The following COL22A1 variants were observed in gnomAD, a reference collection of about 807,000 sequenced individuals.
COL22A1 encodes collagen type XXII alpha 1 chain.
In COL22A1, 221 loss-of-function variants were observed where a neutral mutation model predicts 248.9. That is an observed-to-expected ratio of 0.89 (90% confidence interval 0.80 to 0.99). COL22A1 has a LOEUF of 0.99. Among genes scored for constraint, COL22A1 ranks in the 50% least tolerant of loss-of-function variants. The pLI is 0.00. For missense variants in COL22A1, 2,240 were observed against 2,179.0 expected (o/e 1.03, Z -0.56); for synonymous variants, 891 against 793.4 (o/e 1.12, Z -2.07).
chr8:138,907,248 C>G (rs1397289402), intron 1 of COL22A1, among the ~76,000 whole-genome samples: 1 of 152,232 alleles, frequency 6.6e-6, no homozygotes, highest in Non-Finnish European at 1.5e-5. Context: ...AGGACCAAAA[C>G]TGAACAGGAG....
intron 1 of COL22A1, among the ~76,000 whole-genome samples, chr8:138,888,717 A>C (rs767400752): frequency 6.6e-6 from 1 of 152,188 alleles, no homozygotes; most frequent in Non-Finnish European, 1.5e-5. Context: ...CAGGGTTCCA[A>C]GGTCAGGAGT....
chr8:138,615,058 C>A (rs530348383), intron 55 of COL22A1, among the ~76,000 whole-genome samples: 1 of 152,328 alleles, frequency 6.6e-6, no homozygotes, highest in Non-Finnish European at 1.5e-5. Context: ...CTGCATCTCA[C>A]ACGTCCAGCC....
At chr8:138,716,753 T>C in intron 28 of COL22A1, 72 bp downstream of exon 28, 1 of 1,131,104 alleles carries the variant, frequency 8.8e-7, no homozygotes, top group East Asian at 2.4e-5. Context: ...ATCTAAATAA[T>C]TTATACAAGA....
At chr8:138,674,371 GC>G (rs144370776) in intron 41 of COL22A1, among the ~76,000 whole-genome samples, 2,340 of 152,158 alleles carry the variant, frequency 0.015, 57 homozygotes, top group African/African-American at 0.054. Context: ...ACACACCTTT[GC>G]TTAGCTCAGC....
intron 41 of COL22A1, among the ~76,000 whole-genome samples, chr8:138,668,521 G>A (rs1358278722): frequency 2.0e-5 from 3 of 152,108 alleles, no homozygotes; most frequent in Admixed American, 6.5e-5. Flanking sequence ...ACTGAAAGCC[G>A]CATATGGCTT....
At chr8:138,817,324 T>C (rs929785613) in intron 7 of COL22A1, among the ~76,000 whole-genome samples, 1 of 151,828 alleles carries the variant, frequency 6.6e-6, no homozygotes, top group African/African-American at 2.4e-5. Context: ...TGACTCAGAG[T>C]TAGGATGTCA....
rs1179004056 is a variant in COL22A1, at chr8:138,755,179, G to T, written c.2009C>A (p.Ala670Asp). 2 of 1,614,014 alleles carry T rather than the reference G, an allele frequency of 1.2e-6. No homozygotes were observed. The highest frequency in any genetic ancestry group is 1.7e-6 in the Non-Finnish European group (2 of 1,180,004). The change falls in exon 21 of 65, where the codon GCC (alanine) becomes GAC (aspartate). Residue 670 changes from alanine (A) to aspartate (D), a missense_variant. Ala to Asp is a moderately radical substitution (Grantham distance 126). Transcript: ENST00000303045. ...GAPGPRGHQG[A>D]PGPPGARGPI... ...TACCCGAGCTCCTGGAGGACCGGGG[G>T]CGCCTTGGTGACCTCTGGGTCCTGG... is the stretch of plus-strand genomic sequence containing the variant.
intron 23 of COL22A1, among the ~76,000 whole-genome samples, chr8:138,726,787 C>G (rs1009734985): frequency 6.6e-6 from 1 of 152,186 alleles, no homozygotes; most frequent in Non-Finnish European, 1.5e-5. Context: ...TGGGCCTGCA[C>G]AGGGCAGATG....
intron 47 of COL22A1, among the ~76,000 whole-genome samples, chr8:138,641,182 T>G (rs1321611560): frequency 6.6e-6 from 1 of 152,064 alleles, no homozygotes; most frequent in Non-Finnish European, 1.5e-5. Context: ...GAACATGGAG[T>G]AAGTGGCTCT....
intron 5 of COL22A1, among the ~76,000 whole-genome samples, chr8:138,832,382 A>C (rs2131818439): frequency 6.6e-6 from 1 of 152,244 alleles, no homozygotes; most frequent in South Asian, 2.1e-4. Flanking sequence ...ATTGGGTAAC[A>C]ATGTCATTTT....
intron 56 of COL22A1, among the ~76,000 whole-genome samples, chr8:138,613,234 C>A (rs1444780982): frequency 1.5e-5 from 2 of 136,784 alleles, no homozygotes; most frequent in South Asian, 5.0e-4. Context: ...GGTGACAGAG[C>A]GAGACTCCGT....
At position 138,820,293 on chromosome 8, in the gene COL22A1, G is replaced by C. The variant is rs148670949; in HGVS notation, c.1245+843C>G. 5.5e-3 allele frequency among the ~76,000 whole-genome samples: 837 copies of C among 152,244 alleles called. 2 individuals are homozygous for C. The highest frequency in any genetic ancestry group is 8.7e-3 in the Non-Finnish European group (592 of 68,032). On this transcript the variant is annotated intron_variant, in intron 7 of 64. Coordinates refer to ENST00000303045, the MANE Select transcript of COL22A1 (RefSeq NM_152888.3). The stretch of plus-strand genomic sequence containing the variant: ...ACATCATGTTTCCTGTTATTTCTCA[G>C]GCAGTGGGGGATGCTCTTGGGCATG...
At chr8:138,755,908 C>T (rs1832962705) in intron 18 of COL22A1, 79 bp from the exon 19 acceptor site, 1 of 1,274,204 alleles carries the variant, frequency 7.8e-7, no homozygotes, top group South Asian at 1.2e-5. Flanking sequence ...GAGGCTTATT[C>T]TTGTGGGCCC....
intron 51 of COL22A1, among the ~76,000 whole-genome samples, chr8:138,624,863 A>C (rs10100776): frequency 2.6e-5 from 4 of 152,028 alleles, no homozygotes; most frequent in Admixed American, 6.6e-5. Context: ...TCTAAGAAGC[A>C]ATTCATTCAT....
intron 1 of COL22A1, among the ~76,000 whole-genome samples, chr8:138,902,338 G>A (rs1188817946): frequency 2.6e-5 from 4 of 152,156 alleles, no homozygotes; most frequent in East Asian, 1.9e-4. Flanking sequence ...TCAGGACAAC[G>A]GCTTCGCATT....
chr8:138,855,886 A>G (rs1821970816), intron 3 of COL22A1, among the ~76,000 whole-genome samples: 1 of 152,178 alleles, frequency 6.6e-6, no homozygotes. Flanking sequence ...GGTGTAGGAC[A>G]GTGGGTCCTT....
chr8:138,834,014 G>A (rs1231461456), intron 4 of COL22A1, among the ~76,000 whole-genome samples: 1 of 152,182 alleles, frequency 6.6e-6, no homozygotes, highest in African/African-American at 2.4e-5. Context: ...CTTTTTACAA[G>A]TTATTCCCCA....
intron 10 of COL22A1, 68 bp downstream of exon 10, chr8:138,807,700 C>T: frequency 6.8e-7 from 1 of 1,471,884 alleles, no homozygotes; most frequent in Non-Finnish European, 9.4e-7. Context: ...CATCTTTTGT[C>T]TTATATAGAC....
rs149118857 is a variant in COL22A1, at chr8:138,594,119, G to A, written c.4513C>T (p.Pro1505Ser). 2.9e-5 allele frequency: 45 copies of A among 1,576,428 alleles called. No individual in the cohort carries two copies. Among genetic ancestry groups the A allele is most frequent in the Non-Finnish European group, 3.6e-5 (42 of 1,168,548 alleles). Residue 1505 changes from proline (P) to serine (S), a missense_variant, in exon 63 of 65, where the codon CCT (proline) becomes TCT (serine). Coordinates refer to ENST00000303045, the MANE Select transcript of COL22A1 (RefSeq NM_152888.3). ...CGGCCTGGAAGCCCATCTTTTCCAG[G>A]GGGCCCTGGGGGCCCAGGTCTGCCT... Reference protein sequence around the residue: ...SQGRPGPPGPPGKDGLPGRAG... With the variant: ...SQGRPGPPGPSGKDGLPGRAG...
Sources: gnomAD v4.1 joint callset for allele counts (sites outside exome capture counted in the v4.1 genomes callset) on GRCh38, gnomAD v4.1.1 for gene constraint, MANE v1.5 for transcripts, NCBI Gene and HGNC (gene_info 2026-07-23, HGNC 2026-07-21) for gene names.